The following BMX variants were observed in gnomAD, a reference collection of about 807,000 sequenced individuals.
BMX encodes cytoplasmic tyrosine-protein kinase BMX.
In BMX, 31 loss-of-function variants were observed where a neutral mutation model predicts 59.2. The ratio of observed to expected loss-of-function variants is 0.52; its 90% confidence interval spans 0.39 to 0.71. The LOEUF (loss-of-function observed/expected upper bound fraction) is 0.71, where lower values mean the gene tolerates loss of function less well. Ranked by LOEUF, BMX falls within the 30% of genes least tolerant of loss-of-function variation. The probability of loss-of-function intolerance (pLI) is 0.00; values close to 1 mark genes in which losing one functional copy is unlikely to be tolerated. For missense variants in BMX, 474 were observed against 491.7 expected (o/e 0.96, Z 0.34); for synonymous variants, 185 against 181.0 (o/e 1.02, Z -0.18).
intron 10 of BMX, among the ~76,000 whole-genome samples, chrX:15,530,941 A>G (rs938514405): frequency 8.9e-6 from 1 of 112,189 alleles, no homozygotes; most frequent in African/African-American, 3.2e-5. Flanking sequence ...TAGAATTAGC[A>G]CAAATCATTG....
intron 3 of BMX, among the ~76,000 whole-genome samples, chrX:15,509,653 G>C (rs1278259878): frequency 2.7e-5 from 3 of 111,387 alleles, no homozygotes; most frequent in Non-Finnish European, 5.7e-5. Context: ...GTAAGTCGCA[G>C]TGACCTGACC....
intron 18 of BMX, among the ~76,000 whole-genome samples, chrX:15,553,673 T>C (rs997451532): frequency 1.8e-5 from 2 of 112,078 alleles, no homozygotes; most frequent in African/African-American, 6.5e-5. Flanking sequence ...GTGTCTAAGA[T>C]TATCAGGCAG....
At chrX:15,528,736 C>T (rs900747817) in intron 9 of BMX, among the ~76,000 whole-genome samples, 2 of 111,867 alleles carry the variant, frequency 1.8e-5, no homozygotes, top group Non-Finnish European at 3.8e-5. Flanking sequence ...TTATTTAAAA[C>T]AATAAGAGGC....
rs1301523525 is a variant in BMX, at chrX:15,500,921, G to A, written c.-29G>A. ...CAAGCACCGCGGCGGACCCAGGCAA[G>A]CACGGAACAAGCTGAGACGGTGCGT... On this transcript the variant is annotated 5_prime_UTR_variant, in exon 1 of 19. Transcript: ENST00000348343. 1.2e-5 allele frequency: 9 copies of A among 752,631 alleles called. No homozygotes were observed. Among genetic ancestry groups the A allele is most frequent in the African/African-American group, 2.3e-5 (1 of 43,149 alleles). 62.0% of individuals were successfully genotyped at this position (752,631 alleles called of 1,213,427 possible). A position where few individuals can be genotyped will look rare whatever the true frequency, so the allele number is the denominator to read the frequency against.
chrX:15,511,407 T>C (rs750248462), intron 3 of BMX, 30 bp from the exon 4 acceptor site: 2 of 1,147,443 alleles, frequency 1.7e-6, no homozygotes, highest in East Asian at 3.0e-5. Context: ...TGCAATTATA[T>C]ATAAACACAC....
chrX:15,515,704 T>C (rs1407818879), intron 4 of BMX, among the ~76,000 whole-genome samples: 1 of 111,424 alleles, frequency 9.0e-6, no homozygotes, highest in Non-Finnish European at 1.9e-5. Context: ...GAAGTGTATG[T>C]TTATTCAGGC....
intron 13 of BMX, 107 bp from the exon 14 acceptor site, chrX:15,537,027 T>G: frequency 1.2e-6 from 1 of 848,619 alleles, no homozygotes. Context: ...AAAGTCTTGT[T>G]TATATTGTCA....
rs1926427147 is a variant in BMX, at chrX:15,556,168, A to G, written c.*21A>G. ...ATTGAAGAAGAAATTAGGAGTGCTGATAAGAATGAATATAGATGCTGGCCA... is the reference window on the plus strand; with the variant it reads ...ATTGAAGAAGAAATTAGGAGTGCTGGTAAGAATGAATATAGATGCTGGCCA... On this transcript the variant is annotated 3_prime_UTR_variant, in exon 19 of 19. Coordinates refer to ENST00000348343, the MANE Select transcript of BMX (RefSeq NM_203281.3). The G allele has an allele frequency of 8.6e-7, 1 of 1,164,029 alleles. No homozygotes were observed.
At chrX:15,528,836 T>G (rs1370097838) in intron 9 of BMX, among the ~76,000 whole-genome samples, 1 of 112,116 alleles carries the variant, frequency 8.9e-6, no homozygotes, top group Non-Finnish European at 1.9e-5. Context: ...ACCTTGCCTC[T>G]CCAGGCCTCT....
At chrX:15,509,795 G>A (rs112514279) in intron 3 of BMX, among the ~76,000 whole-genome samples, 1,464 of 111,508 alleles carry the variant, frequency 0.013, 24 homozygotes, top group African/African-American at 0.045. Flanking sequence ...TGGCAAAATA[G>A]ACTAATACAC....
At chrX:15,532,706 T>G (rs112171234) in intron 11 of BMX, among the ~76,000 whole-genome samples, 6,404 of 112,422 alleles carry the variant, frequency 0.057, 422 homozygotes, top group African/African-American at 0.2. Flanking sequence ...TATTTTATTT[T>G]GAAATTTTTT....
intron 1 of BMX, among the ~76,000 whole-genome samples, chrX:15,505,819 G>A (rs1923719790): frequency 9.0e-6 from 1 of 111,678 alleles, no homozygotes; most frequent in Non-Finnish European, 1.9e-5. Flanking sequence ...GAATTTGTCA[G>A]TGGTCTCTGT....
At chrX:15,536,222 T>G in intron 12 of BMX, 131 bp from the exon 13 acceptor site, 1 of 569,302 alleles carries the variant, frequency 1.8e-6, no homozygotes, top group Non-Finnish European at 2.8e-6. Context: ...GGATTCTCTC[T>G]CTGCATTACA....
intron 1 of BMX, among the ~76,000 whole-genome samples, chrX:15,506,568 C>T (rs1265672390): frequency 2.7e-5 from 3 of 112,214 alleles, no homozygotes; most frequent in African/African-American, 9.7e-5. Context: ...AAAAAGTAGA[C>T]CCTCATTGTT....
At chrX:15,553,603 C>T (rs1469271358) in intron 18 of BMX, among the ~76,000 whole-genome samples, 1 of 111,534 alleles carries the variant, frequency 9.0e-6, no homozygotes, top group Non-Finnish European at 1.9e-5. Flanking sequence ...TGAGATTGTC[C>T]TTTTCCCTGA....
chrX:15,530,053 C>T, intron 10 of BMX, 26 bp downstream of exon 10: 1 of 1,181,518 alleles, frequency 8.5e-7, no homozygotes, highest in African/African-American at 1.7e-5. Context: ...TTTAAAACAG[C>T]CTCACAGAAT....
At chrX:15,511,613 T>C in intron 4 of BMX, 95 bp downstream of exon 4, 1 of 667,988 alleles carries the variant, frequency 1.5e-6, no homozygotes, top group East Asian at 3.6e-5. Context: ...GACATGGCAG[T>C]AAAAAGACTC....
intron 16 of BMX, among the ~76,000 whole-genome samples, chrX:15,546,005 T>C (rs1925929493): frequency 8.9e-6 from 1 of 112,616 alleles, no homozygotes; most frequent in Non-Finnish European, 1.9e-5. Flanking sequence ...CACTTTCTTT[T>C]GCACATAACC....
At chrX:15,502,572 C>T (rs1451738692) in intron 1 of BMX, among the ~76,000 whole-genome samples, 2 of 111,710 alleles carry the variant, frequency 1.8e-5, no homozygotes, top group Non-Finnish European at 3.8e-5. Flanking sequence ...AGGTATGATG[C>T]TCCAAGATGC....
Sources: gnomAD v4.1 joint callset for allele counts (sites outside exome capture counted in the v4.1 genomes callset) on GRCh38, gnomAD v4.1.1 for gene constraint, MANE v1.5 for transcripts, NCBI Gene and HGNC (gene_info 2026-07-23, HGNC 2026-07-21) for gene names.